Variants in SLC39A11 observed in about 807,000 individuals in gnomAD.
SLC39A11 encodes solute carrier family 39 member 11, also known as zinc transporter ZIP11.
Under a neutral mutation model 36.1 loss-of-function variants are expected in SLC39A11, and 33 were observed. The observed-to-expected ratio is 0.91, with a 90% CI of 0.69 to 1.22. SLC39A11 has a LOEUF of 1.22. SLC39A11 is among the 50% of genes most tolerant of loss of function. The probability of loss-of-function intolerance (pLI) is 0.00; values close to 1 mark genes in which losing one functional copy is unlikely to be tolerated. For synonymous variants in SLC39A11, 166 were observed against 170.3 expected, an observed-to-expected ratio of 0.97 and a Z score of 0.20; for missense variants, 432 against 430.3, an observed-to-expected ratio of 1.00 and a Z score of -0.03.
chr17:72,691,094 G>A (rs552101313), intron 7 of SLC39A11, among the ~76,000 whole-genome samples: 2 of 152,220 alleles, frequency 1.3e-5, no homozygotes, highest in South Asian at 4.2e-4. Flanking sequence ...CACAGGTGAG[G>A]GCAGACTAGG....
intron 6 of SLC39A11, among the ~76,000 whole-genome samples, chr17:72,810,296 A>G (rs905146007): frequency 2.6e-5 from 4 of 152,262 alleles, no homozygotes; most frequent in Non-Finnish European, 4.4e-5. Flanking sequence ...ACACAAATAC[A>G]AAACACTCAT....
At chr17:72,941,571 T>A (rs1298979334) in intron 5 of SLC39A11, among the ~76,000 whole-genome samples, 39 of 133,516 alleles carry the variant, frequency 2.9e-4, no homozygotes, top group South Asian at 1.8e-3. Flanking sequence ...TTTTTTTTTT[T>A]AAAAGGCAGA....
chr17:72,665,224 G>A (rs1326075599), intron 7 of SLC39A11, among the ~76,000 whole-genome samples: 1 of 151,996 alleles, frequency 6.6e-6, no homozygotes, highest in Non-Finnish European at 1.5e-5. Context: ...GGATCCTTCA[G>A]CCCCAGTCAA....
chr17:73,071,630 A>T (rs2060164167), intron 3 of SLC39A11, among the ~76,000 whole-genome samples: 1 of 152,220 alleles, frequency 6.6e-6, no homozygotes, highest in South Asian at 2.1e-4. Context: ...TGTCATAAAC[A>T]TTGCATCAGG....
chr17:72,864,327 C>G (rs1332981167), intron 5 of SLC39A11, among the ~76,000 whole-genome samples: 1 of 115,620 alleles, frequency 8.6e-6, no homozygotes, highest in African/African-American at 3.7e-5. Context: ...TTTTTTTTTT[C>G]CTAGCAACCC....
At chr17:73,035,378 T>G (rs555521340) in intron 3 of SLC39A11, among the ~76,000 whole-genome samples, 1 of 152,094 alleles carries the variant, frequency 6.6e-6, no homozygotes, top group East Asian at 1.9e-4. Context: ...TGGCCTCAAG[T>G]GATTGCCCAC....
intron 7 of SLC39A11, among the ~76,000 whole-genome samples, chr17:72,727,505 A>G (rs1432067347): frequency 2.0e-5 from 3 of 151,950 alleles, no homozygotes; most frequent in African/African-American, 7.2e-5. Flanking sequence ...ACAAAAAATC[A>G]GCCAGGCGTG....
At chr17:72,834,619 C>T (rs1241316506) in intron 6 of SLC39A11, among the ~76,000 whole-genome samples, 1 of 138,012 alleles carries the variant, frequency 7.2e-6, no homozygotes, top group Non-Finnish European at 1.6e-5. Context: ...GAGACTCCAA[C>T]TCCATAAACA....
At chr17:72,687,495 G>A (rs944287922) in intron 7 of SLC39A11, among the ~76,000 whole-genome samples, 4 of 152,094 alleles carry the variant, frequency 2.6e-5, no homozygotes, top group Admixed American at 6.5e-5. Context: ...CACCTGCCTC[G>A]ACATCCCAAA....
chr17:73,050,744 C>T (rs778873444), intron 3 of SLC39A11, among the ~76,000 whole-genome samples: 23 of 152,232 alleles, frequency 1.5e-4, no homozygotes, highest in African/African-American at 5.1e-4. Flanking sequence ...GGATTACAGG[C>T]GTGAGCCACC....
chr17:72,981,866 G>A (rs1217430947), intron 4 of SLC39A11, among the ~76,000 whole-genome samples: 1 of 152,058 alleles, frequency 6.6e-6, no homozygotes, highest in East Asian at 1.9e-4. Context: ...GAACAGAAAA[G>A]TAAGAGAAAG....
At chr17:72,766,648 A>G (rs58130940) in intron 6 of SLC39A11, among the ~76,000 whole-genome samples, 2,653 of 152,280 alleles carry the variant, frequency 0.017, 74 homozygotes, top group African/African-American at 0.059. Flanking sequence ...AGTTTTCAAT[A>G]TAACTTACTC....
At chr17:72,939,816 G>GTA (rs1470047972) in intron 5 of SLC39A11, among the ~76,000 whole-genome samples, 4 of 152,172 alleles carry the variant, frequency 2.6e-5, no homozygotes, top group African/African-American at 7.2e-5. Context: ...AAGCAGCTCT[G>GTA]TATAGTACAA....
chr17:73,055,632 G>A (rs2059640357), intron 3 of SLC39A11, among the ~76,000 whole-genome samples: 1 of 151,784 alleles, frequency 6.6e-6, no homozygotes, highest in Admixed American at 6.6e-5. Context: ...AAGGCGGGTA[G>A]GGGGCGAGGG....
At chr17:72,815,095 A>G (rs972517344) in intron 6 of SLC39A11, among the ~76,000 whole-genome samples, 2 of 152,206 alleles carry the variant, frequency 1.3e-5, no homozygotes, top group Non-Finnish European at 2.9e-5. Flanking sequence ...GGTGGAAGGA[A>G]AGAATGCTCT....
At chr17:72,689,923 AG>A (rs1172038994) in intron 7 of SLC39A11, among the ~76,000 whole-genome samples, 1 of 152,214 alleles carries the variant, frequency 6.6e-6, no homozygotes, top group African/African-American at 2.4e-5. Flanking sequence ...TTCACTTCCA[AG>A]TGGCTAATTT....
intron 7 of SLC39A11, among the ~76,000 whole-genome samples, chr17:72,716,881 A>G (rs1443346541): frequency 6.6e-6 from 1 of 151,070 alleles, no homozygotes; most frequent in Admixed American, 6.6e-5. Flanking sequence ...AGGCATGAGA[A>G]TTGCTTGAAC....
intron 6 of SLC39A11, among the ~76,000 whole-genome samples, chr17:72,834,956 G>A (rs973471805): frequency 3.3e-5 from 5 of 152,238 alleles, no homozygotes; most frequent in Non-Finnish European, 5.9e-5. Flanking sequence ...CGCCTGTGCA[G>A]GAGATGACAG....
At chr17:73,044,878 G>GAA (rs11298701) in intron 3 of SLC39A11, among the ~76,000 whole-genome samples, 9 of 119,014 alleles carry the variant, frequency 7.6e-5, no homozygotes, top group Admixed American at 3.6e-4. Context: ...CTCTGTCTCA[G>GAA]AAAAAAAAAA....
Sources: gnomAD v4.1 joint callset for allele counts (sites outside exome capture counted in the v4.1 genomes callset) on GRCh38, gnomAD v4.1.1 for gene constraint, MANE v1.5 for transcripts, NCBI Gene and HGNC (gene_info 2026-07-23, HGNC 2026-07-21) for gene names.